Variants in ZNF184 observed in about 807,000 individuals in gnomAD.
The protein encoded by ZNF184 is zinc finger protein 184.
In ZNF184, 16 loss-of-function variants were observed where a neutral mutation model predicts 54.4. The observed-to-expected ratio is 0.29, with a 90% confidence interval of 0.20 to 0.45. ZNF184 has a LOEUF of 0.45. Among genes scored for constraint, ZNF184 ranks in the 20% least tolerant of loss-of-function variants. The probability of loss-of-function intolerance (pLI) is 1.00; values close to 1 mark genes in which losing one functional copy is unlikely to be tolerated. For synonymous variants in ZNF184, 254 were observed against 295.3 expected (o/e 0.86, Z 1.43); for missense variants, 681 against 888.2 (o/e 0.77, Z 2.97).
downstream of ZNF184, among the ~76,000 whole-genome samples, chr6:27,445,969 A>T (rs938204808): frequency 1.3e-5 from 2 of 152,212 alleles, no homozygotes; most frequent in Non-Finnish European, 2.9e-5. Context: ...GGCTGTTTTT[A>T]ACTGCATACA....
At chr6:27,406,701 A>T in the ZNF184 span, 1 of 152,286 alleles carries the variant, frequency 6.6e-6, no homozygotes, top group Non-Finnish European at 1.5e-5. Context: ...CCTACAACTT[A>T]GCAGGGGCAC....
At chr6:27,441,494 C>T in the ZNF184 span, among the ~76,000 whole-genome samples, 1 of 148,060 alleles carries the variant, frequency 6.8e-6, no homozygotes, top group Non-Finnish European at 1.5e-5. Context: ...GGATTACAGA[C>T]AAGAGCCACT....
At chr6:27,419,173 G>A in the ZNF184 span, among the ~76,000 whole-genome samples, 9 of 151,932 alleles carry the variant, frequency 5.9e-5, no homozygotes, top group Non-Finnish European at 1.0e-4. This position sits in a 1 kb window ranked among gnomAD's most constrained non-coding sequence, Gnocchi z 4.8. Flanking sequence ...GCACAATCTC[G>A]GCTCACTGCA....
chr6:27,462,989 A>G (rs1763035516), intron 3 of ZNF184, among the ~76,000 whole-genome samples: 1 of 151,724 alleles, frequency 6.6e-6, no homozygotes, highest in South Asian at 2.1e-4. Context: ...AAGAACATCA[A>G]AAGTTTTTAT....
the ZNF184 span, among the ~76,000 whole-genome samples, chr6:27,423,872 C>T: frequency 6.6e-6 from 1 of 152,170 alleles, no homozygotes; most frequent in African/African-American, 2.4e-5. Context: ...TCTTATACCA[C>T]GTATCAGCAT....
At chr6:27,446,956 C>G (rs1409979234), downstream of ZNF184, among the ~76,000 whole-genome samples, 1 of 151,778 alleles carries the variant, frequency 6.6e-6, no homozygotes, top group Non-Finnish European at 1.5e-5. Flanking sequence ...ACCAGCCTGG[C>G]CAACCTGGTG....
chr6:27,422,764 T>C, the ZNF184 span, among the ~76,000 whole-genome samples: 1 of 152,106 alleles, frequency 6.6e-6, no homozygotes, highest in African/African-American at 2.4e-5. Context: ...CCCCGCAGTA[T>C]CGCCCAAACC....
At chr6:27,443,661 G>A in the ZNF184 span, among the ~76,000 whole-genome samples, 1 of 151,946 alleles carries the variant, frequency 6.6e-6, no homozygotes, top group Non-Finnish European at 1.5e-5. Flanking sequence ...CAAACTACCA[G>A]GCCCTATCTT....
At chr6:27,449,229 A>AT (rs1372278479), downstream of ZNF184, among the ~76,000 whole-genome samples, 3 of 152,226 alleles carry the variant, frequency 2.0e-5, no homozygotes, top group Non-Finnish European at 2.9e-5. Context: ...AATCTTGGAC[A>AT]TTGAAACATC....
rs956960784 is a variant in ZNF184 at position 27,464,387 on chromosome 6, C to T, written c.75+3466G>A. On this transcript the variant is annotated intron_variant, in intron 3 of 5. Coordinates refer to ENST00000683788, the MANE Select transcript of ZNF184 (RefSeq NM_001318891.2). The stretch of plus-strand genomic sequence containing the variant: ...AACTGTGGTGGGGGGAATGGAAATA[C>T]ACTATTCTAAGTAAAATGGAATATC... Among the ~76,000 whole-genome samples, 20 of 152,136 alleles carry T rather than the reference C, an allele frequency of 1.3e-4. No homozygotes were observed. The East Asian group carries it at 3.7e-3, about 28-fold the overall frequency.
chr6:27,430,352 C>CCCCCT, the ZNF184 span, among the ~76,000 whole-genome samples: 2 of 149,696 alleles, frequency 1.3e-5, no homozygotes, highest in Non-Finnish European at 1.5e-5. Flanking sequence ...CCACCCACCC[C>CCCCCT]CGGGTCTGCT....
In ZNF184 at chr6:27,472,462, A is replaced by C. The variant is rs1318834088; in HGVS notation, c.-139-29T>G. 2 of 753,558 alleles carry C rather than the reference A, an allele frequency of 2.7e-6. No homozygotes were observed. The highest frequency in any genetic ancestry group is 4.4e-6 in the Non-Finnish European group (2 of 451,804). The allele number at this position is 753,558 out of a possible 1,614,324, so 46.7% of individuals were successfully genotyped here. A position where few individuals can be genotyped will look rare whatever the true frequency, so the allele number is the denominator to read the frequency against. On this transcript the variant is annotated intron_variant, in intron 1 of 5. Coordinates refer to ENST00000683788, the MANE Select transcript of ZNF184 (RefSeq NM_001318891.2). The surrounding 1 kb of genome is among the most constrained non-coding windows in gnomAD (Gnocchi z 4.8). Reference sequence around the variant, plus strand: ...AAAGACACAGGATGGCGTCAGCAGCATACGTCACACAATCACACATCAGAG... The same window carrying C: ...AAAGACACAGGATGGCGTCAGCAGCCTACGTCACACAATCACACATCAGAG...
chr6:27,414,630 A>G, the ZNF184 span, among the ~76,000 whole-genome samples: 1 of 151,894 alleles, frequency 6.6e-6, no homozygotes, highest in Non-Finnish European at 1.5e-5. Flanking sequence ...CTCACCTTCT[A>G]TGACACCTTT....
At chr6:27,467,507 A>T (rs1763169587) in intron 3 of ZNF184, among the ~76,000 whole-genome samples, 1 of 152,158 alleles carries the variant, frequency 6.6e-6, no homozygotes, top group Non-Finnish European at 1.5e-5. Context: ...AGGCAGGAGA[A>T]TTGCTTGAAC....
the ZNF184 span, among the ~76,000 whole-genome samples, chr6:27,423,729 A>G: frequency 2.0e-5 from 3 of 152,366 alleles, no homozygotes; most frequent in Admixed American, 1.3e-4. Flanking sequence ...TTATATATCT[A>G]TATACAAAGA....
At chr6:27,422,465 CCTT>C in the ZNF184 span, among the ~76,000 whole-genome samples, 1 of 151,966 alleles carries the variant, frequency 6.6e-6, no homozygotes, top group Non-Finnish European at 1.5e-5. Context: ...TAATCCATAT[CCTT>C]CTGTGAGGCT....
chr6:27,446,227 C>T (rs1187169417), downstream of ZNF184, among the ~76,000 whole-genome samples: 1 of 152,188 alleles, frequency 6.6e-6, no homozygotes, highest in African/African-American at 2.4e-5. Context: ...TCTGCCCCTA[C>T]AATCACAGGC....
At chr6:27,430,944 G>A in the ZNF184 span, among the ~76,000 whole-genome samples, 1 of 151,922 alleles carries the variant, frequency 6.6e-6, no homozygotes, top group African/African-American at 2.4e-5. Flanking sequence ...AGAAAATAAA[G>A]GCACAAACAA....
the ZNF184 span, among the ~76,000 whole-genome samples, chr6:27,437,167 A>G: frequency 6.6e-6 from 1 of 152,222 alleles, no homozygotes; most frequent in Non-Finnish European, 1.5e-5. Flanking sequence ...GCTAGGTTAC[A>G]TGGCAAAATA....
Sources: allele counts gnomAD v4.1 joint callset (sites outside exome capture counted in the v4.1 genomes callset), GRCh38; gene constraint gnomAD v4.1.1; non-coding constraint Gnocchi (gnomAD v3.1); transcripts MANE v1.5; gene names NCBI Gene and HGNC (gene_info 2026-07-23, HGNC 2026-07-21).